The following ENOX1 variants were observed in gnomAD, a reference collection of about 807,000 sequenced individuals.
ENOX1 encodes the protein candidate growth-related and time keeping constitutive hydroquinone (NADH) oxidase.
A neutral mutation model predicts 82.5 loss-of-function variants in ENOX1; 42 were observed. The ratio of observed to expected loss-of-function variants is 0.51; its 90% CI spans 0.40 to 0.66. The LOEUF (loss-of-function observed/expected upper bound fraction) is 0.66. ENOX1 is among the 30% of genes least tolerant of loss of function. The pLI, the probability that ENOX1 is intolerant of heterozygous loss-of-function variation, is 0.00. For synonymous variants in ENOX1, 271 were observed against 282.2 expected (o/e 0.96, Z 0.40); for missense variants, 608 against 811.6 (o/e 0.75, Z 3.05).
intron 8 of ENOX1, among the ~76,000 whole-genome samples, chr13:43,352,110 C>G (rs1466419168): frequency 6.6e-6 from 1 of 152,190 alleles, no homozygotes; most frequent in East Asian, 1.9e-4. Flanking sequence ...ACATCTGCCC[C>G]TTCCTCCCTC....
intron 5 of ENOX1, among the ~76,000 whole-genome samples, chr13:43,385,379 G>A (rs1376019233): frequency 5.3e-5 from 8 of 151,238 alleles, no homozygotes; most frequent in African/African-American, 1.9e-4. Flanking sequence ...TAAAGGGGCA[G>A]AATCCACAAC....
At chr13:43,501,131 A>G (rs2076966849) in intron 2 of ENOX1, among the ~76,000 whole-genome samples, 1 of 151,846 alleles carries the variant, frequency 6.6e-6, no homozygotes, top group South Asian at 2.1e-4. Context: ...GAAGAACTTT[A>G]AATTTAAGGA....
At chr13:43,775,208 G>A (rs1401497219) in intron 1 of ENOX1, among the ~76,000 whole-genome samples, 1 of 152,042 alleles carries the variant, frequency 6.6e-6, no homozygotes, top group African/African-American at 2.4e-5. Context: ...GAGTATAATG[G>A]CATGATCATA....
chr13:43,361,103 G>A (rs1030323165), intron 6 of ENOX1, among the ~76,000 whole-genome samples, 176 bp downstream of exon 6: 14 of 152,252 alleles, frequency 9.2e-5, no homozygotes, highest in African/African-American at 2.6e-4. Context: ...GGACAGACAC[G>A]TGGCCACATC....
intron 14 of ENOX1, among the ~76,000 whole-genome samples, chr13:43,242,699 T>G (rs577652864): frequency 2.0e-5 from 3 of 152,216 alleles, no homozygotes; most frequent in Non-Finnish European, 4.4e-5. Flanking sequence ...GGGCCAATCA[T>G]CTTTGAATAG....
intron 12 of ENOX1, among the ~76,000 whole-genome samples, chr13:43,275,386 A>T (rs1406019687): frequency 6.6e-6 from 1 of 152,232 alleles, no homozygotes; most frequent in Non-Finnish European, 1.5e-5. Context: ...TATGAAATAC[A>T]TCAGCCACAT....
At chr13:43,233,982 G>T (rs534482556) in intron 15 of ENOX1, among the ~76,000 whole-genome samples, 1 of 152,170 alleles carries the variant, frequency 6.6e-6, no homozygotes, top group South Asian at 2.1e-4. Context: ...CAGTGCATGA[G>T]AATTCTTCAG....
chr13:43,215,108 G>A (rs937857809), intron 16 of ENOX1, among the ~76,000 whole-genome samples: 3 of 152,092 alleles, frequency 2.0e-5, no homozygotes, highest in African/African-American at 7.2e-5. Flanking sequence ...ACTTTTTCAT[G>A]GTGTAATCAC....
chr13:43,299,122 A>C (rs1386839623), intron 11 of ENOX1, among the ~76,000 whole-genome samples: 1 of 152,126 alleles, frequency 6.6e-6, no homozygotes, highest in East Asian at 1.9e-4. Flanking sequence ...CAACAGATTA[A>C]AACTCTTTTC....
chr13:43,397,019 T>A (rs966396915), intron 5 of ENOX1, among the ~76,000 whole-genome samples: 1 of 152,090 alleles, frequency 6.6e-6, no homozygotes, highest in Non-Finnish European at 1.5e-5. Context: ...CCATACTGAG[T>A]GGCTTTTCCT....
intron 2 of ENOX1, among the ~76,000 whole-genome samples, chr13:43,528,409 T>C (rs996706859): frequency 2.0e-5 from 3 of 152,086 alleles, no homozygotes; most frequent in Non-Finnish European, 4.4e-5. Context: ...TAGTAATATA[T>C]GCTGCCCAAC....
intron 1 of ENOX1, among the ~76,000 whole-genome samples, chr13:43,681,705 A>G (rs1341002236): frequency 2.0e-5 from 3 of 151,092 alleles, no homozygotes; most frequent in African/African-American, 7.3e-5. Context: ...ACACACACAC[A>G]CACACACACA....
chr13:43,524,704 C>T (rs892027374), intron 2 of ENOX1, among the ~76,000 whole-genome samples: 7 of 152,084 alleles, frequency 4.6e-5, no homozygotes, highest in South Asian at 2.1e-4. Context: ...ATGGATATAG[C>T]CCTCTTTTCA....
At chr13:43,645,725 G>T (rs892742254) in intron 2 of ENOX1, among the ~76,000 whole-genome samples, 1 of 43,136 alleles carries the variant, frequency 2.3e-5, no homozygotes, top group Non-Finnish European at 4.5e-5. Flanking sequence ...TAAGTGAAAA[G>T]AATTAGAAAA....
chr13:43,383,703 T>C (rs1238231461), intron 5 of ENOX1, among the ~76,000 whole-genome samples: 2 of 152,180 alleles, frequency 1.3e-5, no homozygotes, highest in East Asian at 3.8e-4. Flanking sequence ...CAGAAAGGAT[T>C]CTCAGCAGAA....
chr13:43,756,475 G>T (rs1445159717), intron 1 of ENOX1, among the ~76,000 whole-genome samples: 22 of 137,966 alleles, frequency 1.6e-4, no homozygotes, highest in African/African-American at 3.6e-4. Flanking sequence ...GGGGAGGGGA[G>T]GGGAGGGGAA....
intron 2 of ENOX1, among the ~76,000 whole-genome samples, chr13:43,661,318 G>A (rs192236817): frequency 3.2e-4 from 49 of 152,294 alleles, no homozygotes; most frequent in African/African-American, 9.4e-4. Flanking sequence ...TGTGCGCGTT[G>A]CAAAATGGGA....
At chr13:43,778,621 C>G (rs1461276522) in intron 1 of ENOX1, among the ~76,000 whole-genome samples, 1 of 152,200 alleles carries the variant, frequency 6.6e-6, no homozygotes, top group South Asian at 2.1e-4. Flanking sequence ...CTCTTCAGCT[C>G]TCCTTCTCTA....
intron 1 of ENOX1, among the ~76,000 whole-genome samples, chr13:43,769,810 G>T (rs1051752404): frequency 6.6e-6 from 1 of 152,206 alleles, no homozygotes; most frequent in African/African-American, 2.4e-5. Flanking sequence ...GAGAAATTGT[G>T]ACACCTGAAA....
Sources: allele counts gnomAD v4.1 joint callset (sites outside exome capture counted in the v4.1 genomes callset), GRCh38; gene constraint gnomAD v4.1.1; transcripts MANE v1.5; gene names NCBI Gene and HGNC (gene_info 2026-07-23, HGNC 2026-07-21).